Variants in SESN1 observed in about 807,000 individuals in gnomAD.
The protein encoded by SESN1 is sestrin-1.
SESN1 carries 30 observed loss-of-function variants against 59.3 expected under a neutral mutation model. The observed-to-expected ratio is 0.51, with a 90% confidence interval of 0.38 to 0.69. The LOEUF is 0.69. Among genes scored for constraint, SESN1 ranks in the 30% least tolerant of loss-of-function variants. SESN1 has a pLI of 0.00. For missense variants in SESN1, 566 were observed against 673.0 expected (o/e 0.84, Z 1.76); for synonymous variants, 197 against 219.9 (o/e 0.90, Z 0.92).
At chr6:109,057,198 T>TG (rs1780645862) in intron 1 of SESN1, among the ~76,000 whole-genome samples, 1 of 152,246 alleles carries the variant, frequency 6.6e-6, no homozygotes, top group African/African-American at 2.4e-5. Context: ...AAGCCATTCC[T>TG]GAATTTTCAA....
At chr6:109,083,423 T>C (rs1041245788) in intron 1 of SESN1, among the ~76,000 whole-genome samples, 2 of 152,166 alleles carry the variant, frequency 1.3e-5, no homozygotes, top group African/African-American at 4.8e-5. Context: ...AAAAAATAGA[T>C]AAGCATAGGG....
chr6:109,082,910 A>G (rs1781149855), intron 1 of SESN1, among the ~76,000 whole-genome samples: 1 of 152,226 alleles, frequency 6.6e-6, no homozygotes, highest in Non-Finnish European at 1.5e-5. Context: ...ATGCATCATT[A>G]TCATCACCAT....
intron 1 of SESN1, among the ~76,000 whole-genome samples, chr6:109,007,048 G>A (rs866782029): frequency 6.6e-6 from 1 of 152,162 alleles, no homozygotes; most frequent in African/African-American, 2.4e-5. Flanking sequence ...GGTGTGGCTG[G>A]AAGATTAACA....
intron 1 of SESN1, among the ~76,000 whole-genome samples, chr6:109,045,028 A>C (rs1430847397): frequency 6.6e-6 from 1 of 152,032 alleles, no homozygotes; most frequent in Non-Finnish European, 1.5e-5. Context: ...CATTTCAAAA[A>C]AAAAAAAGCT....
chr6:109,029,699 A>AT (rs1179084754), intron 1 of SESN1, among the ~76,000 whole-genome samples: 1 of 151,842 alleles, frequency 6.6e-6, no homozygotes, highest in Admixed American at 6.6e-5. Flanking sequence ...ACACCCAGCT[A>AT]TTTTTTTATT....
intron 1 of SESN1, among the ~76,000 whole-genome samples, chr6:109,073,651 C>T (rs1482901531): frequency 6.6e-6 from 1 of 152,102 alleles, no homozygotes; most frequent in Non-Finnish European, 1.5e-5. Flanking sequence ...AAATGCAAAA[C>T]TCATTAGGAA....
intron 1 of SESN1, among the ~76,000 whole-genome samples, chr6:109,080,102 T>C (rs1198306298): frequency 6.6e-6 from 1 of 152,200 alleles, no homozygotes; most frequent in Non-Finnish European, 1.5e-5. Flanking sequence ...CTTTCAGCTA[T>C]AAAGCCAGAA....
intron 1 of SESN1, among the ~76,000 whole-genome samples, chr6:109,042,776 A>T (rs745929413): frequency 3.3e-5 from 5 of 152,070 alleles, no homozygotes; most frequent in Admixed American, 3.3e-4. Context: ...TAACTCCACC[A>T]AACATTTAAA....
chr6:109,065,907 T>C (rs1039548164), intron 1 of SESN1, among the ~76,000 whole-genome samples: 5 of 152,044 alleles, frequency 3.3e-5, no homozygotes, highest in Admixed American at 6.6e-5. Flanking sequence ...TTGAAGGTAT[T>C]TTACAAAGTT....
At chr6:109,069,136 T>C (rs1780886024) in intron 1 of SESN1, among the ~76,000 whole-genome samples, 1 of 151,810 alleles carries the variant, frequency 6.6e-6, no homozygotes, top group Admixed American at 6.6e-5. Context: ...TTTCAAGAGG[T>C]TGAGCAAAAG....
intron 1 of SESN1, among the ~76,000 whole-genome samples, chr6:109,012,788 G>A (rs765712914): frequency 6.6e-5 from 10 of 152,030 alleles, no homozygotes; most frequent in Admixed American, 2.0e-4. Context: ...TGGAAAAGAG[G>A]GTAAGGAGAG....
At chr6:109,023,758 A>C (rs549602684) in intron 1 of SESN1, among the ~76,000 whole-genome samples, 1 of 152,376 alleles carries the variant, frequency 6.6e-6, no homozygotes, top group South Asian at 2.1e-4. Flanking sequence ...AATGAGTAAA[A>C]TTACCATTTG....
At chr6:108,998,448 A>C in intron 5 of SESN1, 65 bp downstream of exon 5, 1 of 1,583,078 alleles carries the variant, frequency 6.3e-7, no homozygotes, top group South Asian at 1.2e-5. Context: ...AGCCAACTGA[A>C]GAAATAATAT....
intron 1 of SESN1, among the ~76,000 whole-genome samples, chr6:109,038,378 G>A (rs1179299037): frequency 6.6e-6 from 1 of 152,220 alleles, no homozygotes; most frequent in Non-Finnish European, 1.5e-5. Context: ...TATAGTCCCA[G>A]CTACTTGGGA....
At chr6:109,072,162 C>T (rs1362780485) in intron 1 of SESN1, among the ~76,000 whole-genome samples, 1 of 152,112 alleles carries the variant, frequency 6.6e-6, no homozygotes, top group Non-Finnish European at 1.5e-5. Context: ...ACACAGTTAA[C>T]TCTTAATTAT....
intron 1 of SESN1, among the ~76,000 whole-genome samples, chr6:109,039,804 T>A (rs1583282525): frequency 6.6e-6 from 1 of 152,256 alleles, no homozygotes; most frequent in African/African-American, 2.4e-5. Context: ...CTTTCTATTG[T>A]CTTAACTAGA....
intron 1 of SESN1, among the ~76,000 whole-genome samples, chr6:109,092,675 TG>T (rs1781338550): frequency 6.6e-6 from 1 of 152,142 alleles, no homozygotes; most frequent in Non-Finnish European, 1.5e-5. Flanking sequence ...TGGACAAAAA[TG>T]GTTGTTACAG....
intron 1 of SESN1, among the ~76,000 whole-genome samples, chr6:109,090,948 T>A (rs2114484817): frequency 6.6e-6 from 1 of 152,270 alleles, no homozygotes; most frequent in Middle Eastern, 3.4e-3. Context: ...TTTTTTTTCT[T>A]GACTTTTTGT....
At chr6:108,998,795 G>T (rs747918067) in intron 4 of SESN1, 40 bp from the exon 5 acceptor site, 2 of 1,573,248 alleles carry the variant, frequency 1.3e-6, no homozygotes, top group East Asian at 2.3e-5. Context: ...TTTGTACTGG[G>T]GTGTGGTAAA....
Sources: allele counts gnomAD v4.1 joint callset (sites outside exome capture counted in the v4.1 genomes callset), GRCh38; gene constraint gnomAD v4.1.1; transcripts MANE v1.5; gene names NCBI Gene and HGNC (gene_info 2026-07-23, HGNC 2026-07-21).